The following PTPRD variants were observed in gnomAD, a reference collection of about 807,000 sequenced individuals.
PTPRD encodes receptor-type tyrosine-protein phosphatase delta.
A neutral mutation model predicts 214.5 loss-of-function variants in PTPRD; 34 were observed. The ratio of observed to expected loss-of-function variants is 0.16; its 90% CI spans 0.12 to 0.21. The LOEUF is 0.21. PTPRD is among the 10% of genes least tolerant of loss of function. The pLI is 1.00. For synonymous variants in PTPRD, 1,128 were observed against 845.7 expected (o/e 1.33, Z -5.79); for missense variants, 2,545 against 2,398.7 (o/e 1.06, Z -1.27).
At chr9:9,517,078 A>G (rs1251246622) in intron 8 of PTPRD, among the ~76,000 whole-genome samples, 1 of 151,846 alleles carries the variant, frequency 6.6e-6, no homozygotes, top group Non-Finnish European at 1.5e-5. Context: ...ATGTTAGTTC[A>G]ATAATTAGAG....
chr9:10,581,553 G>A (rs963777497), intron 2 of PTPRD, among the ~76,000 whole-genome samples: 10 of 152,152 alleles, frequency 6.6e-5, no homozygotes, highest in African/African-American at 2.4e-4. Flanking sequence ...CATAATTTCT[G>A]CTAATTTAGA....
At position 8,947,332 on chromosome 9, in the gene PTPRD, G is replaced by A. The variant is rs191225794; in HGVS notation, c.-104+71365C>T. 1.5e-4 allele frequency among the ~76,000 whole-genome samples: 23 copies of A among 151,580 alleles called. No homozygotes were observed. The East Asian group carries it at 4.1e-3, about 27-fold the overall frequency. The stretch of plus-strand genomic sequence containing the variant: ...CAAAAAGTTAGCTGGGCATAGTGGT[G>A]TGCACCTGTAGTCCCAGCTATTCGG... On this transcript the variant is annotated intron_variant, in intron 11 of 45. Coordinates refer to ENST00000381196, the MANE Select transcript of PTPRD (RefSeq NM_002839.4).
At chr9:8,927,018 C>T (rs1236839515) in intron 11 of PTPRD, among the ~76,000 whole-genome samples, 3 of 152,028 alleles carry the variant, frequency 2.0e-5, no homozygotes, top group African/African-American at 4.8e-5. Context: ...CAATTGCAAC[C>T]TTTTGACAGA....
chr9:8,953,070 G>GTT lies in PTPRD; in HGVS notation c.-104+65625_-104+65626dup, dbSNP rs577498219. 2.8e-4 allele frequency among the ~76,000 whole-genome samples: 41 copies of GTT among 148,292 alleles called. 1 individual carries two copies. The highest frequency in any genetic ancestry group is 9.6e-4 in the African/African-American group (39 of 40,568). On this transcript the variant is annotated intron_variant, in intron 11 of 45. Transcript: ENST00000381196. Reference sequence around the variant, plus strand: ...AAGCAACGAATTATATTTTAGAATAGTTTTTTTTTTTAGATAAAATATATG... The same window carrying GTT: ...AAGCAACGAATTATATTTTAGAATAGTTTTTTTTTTTTTAGATAAAATATATG...
intron 10 of PTPRD, among the ~76,000 whole-genome samples, chr9:9,053,415 T>C (rs942619803): frequency 1.1e-4 from 16 of 150,580 alleles, no homozygotes; most frequent in Non-Finnish European, 5.9e-5. Context: ...GATGATATTA[T>C]TGATGATGTC....
At chr9:9,429,073 A>T (rs144990888) in intron 8 of PTPRD, among the ~76,000 whole-genome samples, 9,964 of 152,130 alleles carry the variant, frequency 0.065, 361 homozygotes, top group Middle Eastern at 0.17. Context: ...CTGAAGGAAA[A>T]AGAGACACAA....
intron 8 of PTPRD, among the ~76,000 whole-genome samples, chr9:9,536,922 G>C (rs1241885723): frequency 1.3e-5 from 2 of 151,992 alleles, no homozygotes; most frequent in African/African-American, 4.8e-5. Context: ...GGAAAGGGTA[G>C]TGTAGTGTAG....
chr9:8,476,467 G>C (rs1394561082), intron 30 of PTPRD, among the ~76,000 whole-genome samples: 2 of 152,046 alleles, frequency 1.3e-5, no homozygotes, highest in African/African-American at 2.4e-5. Context: ...AGTCCATTCT[G>C]TCATTAAACT....
At chr9:9,247,001 A>AGTGACTC (rs1453058719) in intron 9 of PTPRD, among the ~76,000 whole-genome samples, 5 of 151,650 alleles carry the variant, frequency 3.3e-5, no homozygotes, top group Non-Finnish European at 7.4e-5. Context: ...ATTTTCCCCG[A>AGTGACTC]GTGACTCATA....
intron 9 of PTPRD, among the ~76,000 whole-genome samples, chr9:9,276,273 G>C (rs1945599525): frequency 6.6e-6 from 1 of 151,280 alleles, no homozygotes; most frequent in African/African-American, 2.4e-5. Flanking sequence ...CTGTCTGTTT[G>C]ATTCTTTAAC....
chr9:8,873,273 G>A (rs1470954598), intron 11 of PTPRD, among the ~76,000 whole-genome samples: 1 of 152,188 alleles, frequency 6.6e-6, no homozygotes, highest in Non-Finnish European at 1.5e-5. Flanking sequence ...CCCTTGGCAT[G>A]AAATATCACT....
chr9:8,846,795 G>T (rs1047494743), intron 11 of PTPRD, among the ~76,000 whole-genome samples: 4 of 152,154 alleles, frequency 2.6e-5, no homozygotes, highest in African/African-American at 9.7e-5. Flanking sequence ...ACAAAGCAGA[G>T]GAAAGGACAT....
chr9:10,199,907 A>G (rs980684695), intron 3 of PTPRD, among the ~76,000 whole-genome samples: 14 of 144,498 alleles, frequency 9.7e-5, no homozygotes, highest in African/African-American at 3.3e-4. Context: ...TCGCGCGCAC[A>G]CACGCACACA....
intron 21 of PTPRD, among the ~76,000 whole-genome samples, chr9:8,515,124 C>T (rs970247006): frequency 6.6e-6 from 1 of 152,164 alleles, no homozygotes; most frequent in African/African-American, 2.4e-5. Flanking sequence ...AATGGACTAA[C>T]ACAGCAGTTA....
chr9:9,338,660 A>G (rs559460696), intron 9 of PTPRD, among the ~76,000 whole-genome samples: 4 of 152,236 alleles, frequency 2.6e-5, no homozygotes, highest in Admixed American at 2.6e-4. Flanking sequence ...CCTTCTCATT[A>G]TCAATATTTG....
At chr9:10,249,208 G>T (rs10958971) in intron 3 of PTPRD, among the ~76,000 whole-genome samples, 1 of 152,072 alleles carries the variant, frequency 6.6e-6, no homozygotes, top group Non-Finnish European at 1.5e-5. Flanking sequence ...GAAAAAAAAG[G>T]TTACAGCCAT....
At chr9:9,617,696 C>T (rs1472204504) in intron 7 of PTPRD, among the ~76,000 whole-genome samples, 1 of 151,970 alleles carries the variant, frequency 6.6e-6, no homozygotes, top group African/African-American at 2.4e-5. Context: ...GAAGTAGGGC[C>T]AGTGTAAGAG....
chr9:9,944,726 G>C (rs2092295676), intron 4 of PTPRD, among the ~76,000 whole-genome samples: 2 of 151,906 alleles, frequency 1.3e-5, no homozygotes, highest in Non-Finnish European at 2.9e-5. Context: ...GATTGAATGA[G>C]GGAAAGACAT....
At chr9:10,374,296 G>A (rs1017971825) in intron 2 of PTPRD, among the ~76,000 whole-genome samples, 4 of 152,048 alleles carry the variant, frequency 2.6e-5, no homozygotes, top group Non-Finnish European at 5.9e-5. Context: ...CAGGTGCAAT[G>A]TAAGAATTAT....
Sources: allele counts gnomAD v4.1 joint callset (sites outside exome capture counted in the v4.1 genomes callset), GRCh38; gene constraint gnomAD v4.1.1; transcripts MANE v1.5; gene names NCBI Gene and HGNC (gene_info 2026-07-23, HGNC 2026-07-21).